The following IQSEC1 variants were observed in gnomAD, a reference collection of about 807,000 sequenced individuals.
The protein encoded by IQSEC1 is IQ motif and Sec7 domain ArfGEF 1.
Under a neutral mutation model 91.0 loss-of-function variants are expected in IQSEC1, and 31 were observed. The ratio of observed to expected loss-of-function variants is 0.34; its 90% confidence interval spans 0.26 to 0.46. The LOEUF (loss-of-function observed/expected upper bound fraction) is 0.46, where lower values mean the gene tolerates loss of function less well. Ranked by LOEUF, IQSEC1 falls within the 20% of genes least tolerant of loss-of-function variation. The pLI is 1.00. For missense variants in IQSEC1, 1,388 were observed against 1,575.6 expected (o/e 0.88, Z 2.02); for synonymous variants, 699 against 662.6 (o/e 1.05, Z -0.84).
At chr3:13,274,556 G>T (rs762741324) in intron 1 of IQSEC1, among the ~76,000 whole-genome samples, 7 of 152,260 alleles carry the variant, frequency 4.6e-5, no homozygotes, top group Non-Finnish European at 1.0e-4. Flanking sequence ...CAAAAGCTGG[G>T]GCAAAGCCAG....
chr3:13,007,253 T>C (rs1261358292), intron 1 of IQSEC1, among the ~76,000 whole-genome samples: 1 of 152,220 alleles, frequency 6.6e-6, no homozygotes, highest in Non-Finnish European at 1.5e-5. Context: ...TCAGGGGAGC[T>C]GCAGCAAGGA....
intron 2 of IQSEC1, among the ~76,000 whole-genome samples, chr3:13,132,323 G>A (rs1267688926): frequency 1.3e-5 from 2 of 152,176 alleles, no homozygotes; most frequent in African/African-American, 4.8e-5. Flanking sequence ...GTGACAATAA[G>A]CACTTTTCCC....
intron 1 of IQSEC1, among the ~76,000 whole-genome samples, chr3:13,273,480 C>T (rs927595430): frequency 1.3e-5 from 2 of 152,332 alleles, no homozygotes; most frequent in South Asian, 2.1e-4. Flanking sequence ...AAGATGGGCA[C>T]GGCCCCTCCC....
rs151014496 is a variant in IQSEC1 at position 13,118,074 on chromosome 3, C to T, written c.302+46030G>A. ...TAGTGTTTGCTACAGTTAATCATAACGTATAGTTTCAAATAGCGAGAAGGA... is the reference window on the plus strand; with the variant it reads ...TAGTGTTTGCTACAGTTAATCATAATGTATAGTTTCAAATAGCGAGAAGGA... On this transcript the variant is annotated intron_variant, in intron 2 of 15. Transcript: ENST00000648114. Among the ~76,000 whole-genome samples, 855 of 152,120 alleles carry T rather than the reference C, an allele frequency of 5.6e-3. 11 individuals are homozygous for T. Among genetic ancestry groups the T allele is most frequent in the African/African-American group, 0.02 (815 of 41,484 alleles).
Position 13,137,352 on chromosome 3 carries a change from G to A in IQSEC1, c.302+26752C>T, listed in dbSNP as rs548664494. Among the ~76,000 whole-genome samples, 8 of 152,226 alleles carry A rather than the reference G, an allele frequency of 5.3e-5. No individual in the cohort carries two copies. In the East Asian group the frequency reaches 5.8e-4, roughly 11 times the overall value. On this transcript the variant is annotated intron_variant, in intron 2 of 15. Transcript: ENST00000648114. ...TGACACAATTTATTTTCACATCAGC[G>A]AAAATAAACTATGGCTGCACACAAT...
chr3:12,918,695 G>C (rs756465826), intron 6 of IQSEC1, among the ~76,000 whole-genome samples: 2 of 152,098 alleles, frequency 1.3e-5, no homozygotes, highest in Non-Finnish European at 2.9e-5. Context: ...GGCAGTTCGC[G>C]CCTGTGGTCT....
intron 1 of IQSEC1, among the ~76,000 whole-genome samples, chr3:13,022,960 T>C (rs1000450143): frequency 6.6e-6 from 1 of 152,210 alleles, no homozygotes; most frequent in African/African-American, 2.4e-5. Flanking sequence ...TGTGGAGCTC[T>C]GGGAATTGGC....
intron 12 of IQSEC1, 130 bp from the exon 13 acceptor site, chr3:12,902,952 G>A (rs1694532846): frequency 2.8e-6 from 2 of 722,840 alleles, no homozygotes; most frequent in South Asian, 1.5e-5. Flanking sequence ...GGGCCCACCT[G>A]CCCGCAGGAG....
chr3:13,007,957 T>G (rs1038681931), intron 1 of IQSEC1, among the ~76,000 whole-genome samples: 2 of 151,920 alleles, frequency 1.3e-5, no homozygotes, highest in Non-Finnish European at 2.9e-5. Flanking sequence ...GGAGGAGAGC[T>G]TGGTGATTTC....
intron 1 of IQSEC1, among the ~76,000 whole-genome samples, chr3:13,260,606 C>T (rs956720926): frequency 6.6e-6 from 1 of 152,182 alleles, no homozygotes; most frequent in Admixed American, 6.5e-5. Context: ...CAGCACCCCT[C>T]ACCGATGCCT....
At chr3:13,229,682 C>T (rs965944746) in intron 1 of IQSEC1, among the ~76,000 whole-genome samples, 4 of 152,312 alleles carry the variant, frequency 2.6e-5, no homozygotes, top group Middle Eastern at 3.4e-3. Context: ...CCCCTAAACT[C>T]GCCAAACTTG....
At chr3:13,234,941 G>T (rs867352572) in intron 1 of IQSEC1, among the ~76,000 whole-genome samples, 1 of 152,218 alleles carries the variant, frequency 6.6e-6, no homozygotes, top group South Asian at 2.1e-4. Flanking sequence ...AGTCAGCCAC[G>T]AGGTGTGGGT....
At chr3:13,099,041 G>A (rs566559369) in intron 2 of IQSEC1, among the ~76,000 whole-genome samples, 4 of 152,366 alleles carry the variant, frequency 2.6e-5, no homozygotes, top group Admixed American at 2.0e-4. Flanking sequence ...GACTTTCGGG[G>A]GATGGGGGGA....
intron 2 of IQSEC1, among the ~76,000 whole-genome samples, chr3:13,149,913 A>T (rs535381834): frequency 1.3e-5 from 2 of 152,336 alleles, no homozygotes; most frequent in East Asian, 3.9e-4. Context: ...ATGAAAACTG[A>T]AAGTAAAAAT....
chr3:13,104,836 G>A (rs1444292027), intron 2 of IQSEC1, among the ~76,000 whole-genome samples: 1 of 152,214 alleles, frequency 6.6e-6, no homozygotes, highest in Non-Finnish European at 1.5e-5. Context: ...TGGTCGGGGG[G>A]TGAAACAAGC....
intron 1 of IQSEC1, among the ~76,000 whole-genome samples, chr3:13,226,841 A>G (rs1694761701): frequency 6.6e-6 from 1 of 151,654 alleles, no homozygotes; most frequent in Non-Finnish European, 1.5e-5. Flanking sequence ...ACGAGGATGG[A>G]GACCCTCCAG....
intron 1 of IQSEC1, among the ~76,000 whole-genome samples, chr3:12,950,446 T>C (rs1485864024): frequency 2.6e-5 from 4 of 152,300 alleles, no homozygotes; most frequent in Admixed American, 2.0e-4. Flanking sequence ...GGTGGGACAC[T>C]GCTTGAGGCC....
chr3:13,130,156 C>T (rs768935322), intron 2 of IQSEC1, among the ~76,000 whole-genome samples: 1 of 148,760 alleles, frequency 6.7e-6, no homozygotes, highest in Admixed American at 6.7e-5. Context: ...ACAGCCTGGC[C>T]CTCATGGTGA....
At chr3:13,021,366 C>T (rs1703392270) in intron 1 of IQSEC1, among the ~76,000 whole-genome samples, 1 of 152,210 alleles carries the variant, frequency 6.6e-6, no homozygotes, top group South Asian at 2.1e-4. Context: ...CCCACCACCC[C>T]CCACAGCTGT....
Sources: gnomAD v4.1 joint callset for allele counts (sites outside exome capture counted in the v4.1 genomes callset) on GRCh38, gnomAD v4.1.1 for gene constraint, MANE v1.5 for transcripts, NCBI Gene and HGNC (gene_info 2026-07-23, HGNC 2026-07-21) for gene names.